Variants in CSMD1 observed in about 807,000 individuals in gnomAD.
CSMD1 encodes CUB and sushi domain-containing protein 1.
Under a neutral mutation model 417.5 loss-of-function variants are expected in CSMD1, and 213 were observed. The ratio of observed to expected loss-of-function variants is 0.51; its 90% CI spans 0.46 to 0.57. The LOEUF is 0.57. CSMD1 is among the 20% of genes least tolerant of loss of function. The pLI is 0.00. For missense variants in CSMD1, 6,923 were observed against 4,529.7 expected, an observed-to-expected ratio of 1.53 and a Z score of -15.17; for synonymous variants, 2,862 against 1,736.8, an observed-to-expected ratio of 1.65 and a Z score of -16.11.
At chr8:4,051,159 G>C (rs1798403844) in intron 3 of CSMD1, among the ~76,000 whole-genome samples, 1 of 152,038 alleles carries the variant, frequency 6.6e-6, no homozygotes, top group South Asian at 2.1e-4. Context: ...GGAGTAGAAA[G>C]CAGAAATGGC....
At chr8:3,437,242 T>C (rs1391967270) in intron 12 of CSMD1, among the ~76,000 whole-genome samples, 1 of 152,198 alleles carries the variant, frequency 6.6e-6, no homozygotes, top group African/African-American at 2.4e-5. Flanking sequence ...TATCCTTGTC[T>C]AATACCACCA....
intron 1 of CSMD1, among the ~76,000 whole-genome samples, chr8:4,876,126 G>T (rs1350228156): frequency 1.3e-5 from 2 of 151,974 alleles, no homozygotes; most frequent in Non-Finnish European, 2.9e-5. Flanking sequence ...TTTGAACAAT[G>T]GTAAAATTAA....
Position 2,957,681 on chromosome 8 carries a change from AG to A in CSMD1, c.9814+14del, listed in dbSNP as rs1803115360. The A allele has an allele frequency of 6.7e-7, 1 of 1,497,756 alleles. No homozygotes were observed. The highest frequency in any genetic ancestry group is 9.2e-7 in the Non-Finnish European group (1 of 1,090,700). 92.8% of individuals were successfully genotyped at this position (1,497,756 alleles called of 1,614,324 possible). On this transcript the variant is annotated intron_variant, in intron 63 of 69. Transcript: ENST00000635120. ...ATAGGTGACTTGTGATGGGGGTGGA[AG>A]AAATCACACTTACGTATACATTCGG...
chr8:4,898,496 T>C (rs1447005000), intron 1 of CSMD1, among the ~76,000 whole-genome samples: 1 of 152,206 alleles, frequency 6.6e-6, no homozygotes, highest in African/African-American at 2.4e-5. Context: ...GCTTGCCTGC[T>C]CACTCCCATT....
Position 3,408,090 on chromosome 8 carries a change from T to G in CSMD1, c.1880A>C (p.Asn627Thr), listed in dbSNP as rs1812462978. 3 of 1,613,786 alleles carry G rather than the reference T, an allele frequency of 1.9e-6. No homozygotes were observed. Among genetic ancestry groups the G allele is most frequent in the Non-Finnish European group, 2.5e-6 (3 of 1,179,876 alleles). The part of the protein sequence containing the change: ...EPGSRIHLIF[N>T]DFDVEPQFDF... ...AAACTGAGGCTCAACATCAAAATCA[T>G]TAAAGATTAGGTGAATTCGACTTCC... The change falls in exon 14 of 70, where the codon AAT becomes ACT. Residue 627 changes from asparagine (N) to threonine (T), a missense_variant. Asn to Thr is a moderately conservative substitution (Grantham distance 65, BLOSUM62 0). Coordinates refer to ENST00000635120, the MANE Select transcript of CSMD1 (RefSeq NM_033225.6).
intron 3 of CSMD1, among the ~76,000 whole-genome samples, chr8:4,078,953 A>C (rs1799981456): frequency 7.3e-6 from 1 of 137,678 alleles, no homozygotes. Flanking sequence ...GTATGTTGAA[A>C]AGCTATCTTC....
intron 30 of CSMD1, among the ~76,000 whole-genome samples, chr8:3,207,451 A>C (rs1330789324): frequency 6.6e-6 from 1 of 151,968 alleles, no homozygotes; most frequent in African/African-American, 2.4e-5. Flanking sequence ...CCACAATGGC[A>C]ATTTTCAAGC....
chr8:3,543,638 GA>G (rs113548867), intron 10 of CSMD1, among the ~76,000 whole-genome samples: 3,327 of 144,272 alleles, frequency 0.023, 119 homozygotes, highest in African/African-American at 0.077. Context: ...CTAAATAACT[GA>G]AAAAAAAAAA....
In CSMD1 at chr8:3,378,115, GAA is replaced by G. The variant is rs142202296; in HGVS notation, c.2783-8747_2783-8746del. On this transcript the variant is annotated intron_variant, in intron 18 of 69. Transcript: ENST00000635120. ...ATTGGATGTGTTTGATTGTTGGTAA[GAA>G]GAGAGGAAGACATTCAATTAATAAG... 3.1e-3 allele frequency among the ~76,000 whole-genome samples: 475 copies of G among 152,314 alleles called. 4 individuals are homozygous for G. Among genetic ancestry groups the G allele is most frequent in the African/African-American group, 0.011 (446 of 41,574 alleles).
rs570695347 is a variant in CSMD1 at position 4,700,123 on chromosome 8, TTTTG to T, written c.86-62569_86-62566del. 2.6e-3 allele frequency among the ~76,000 whole-genome samples: 401 copies of T among 152,282 alleles called. 2 individuals carry two copies. Among genetic ancestry groups the T allele is most frequent in the African/African-American group, 9.2e-3 (382 of 41,574 alleles). On this transcript the variant is annotated intron_variant, in intron 1 of 69. Transcript: ENST00000635120. Reference sequence around the variant, plus strand: ...TCATTTTTCTAATAAGTGGTGAACTTTTTGTTTAATTTTTATTTTTAACTGACCT... The same window carrying T: ...TCATTTTTCTAATAAGTGGTGAACTTTTTAATTTTTATTTTTAACTGACCT...
chr8:3,982,192 T>TAAAAA (rs372298485), intron 5 of CSMD1, among the ~76,000 whole-genome samples: 9 of 131,760 alleles, frequency 6.8e-5, no homozygotes, highest in African/African-American at 2.5e-4. Flanking sequence ...AATAATAATA[T>TAAAAA]TAATAAAAAA....
At chr8:4,577,628 T>C (rs376889229) in intron 2 of CSMD1, among the ~76,000 whole-genome samples, 1 of 152,178 alleles carries the variant, frequency 6.6e-6, no homozygotes, top group Non-Finnish European at 1.5e-5. Flanking sequence ...GTCTTACTCT[T>C]CACACCTCAA....
At chr8:3,495,629 G>C (rs569739478) in intron 10 of CSMD1, among the ~76,000 whole-genome samples, 1 of 152,150 alleles carries the variant, frequency 6.6e-6, no homozygotes, top group African/African-American at 2.4e-5. Context: ...ACAGCTTTTA[G>C]TTTGTCATAT....
intron 5 of CSMD1, among the ~76,000 whole-genome samples, chr8:3,837,671 G>A (rs1050269943): frequency 6.6e-6 from 1 of 152,124 alleles, no homozygotes; most frequent in East Asian, 1.9e-4. Context: ...ATAGGCACAG[G>A]GATGTCTGCT....
chr8:4,952,739 CTTTATT>C (rs1808835887), intron 1 of CSMD1, among the ~76,000 whole-genome samples: 1 of 151,846 alleles, frequency 6.6e-6, no homozygotes, highest in South Asian at 2.1e-4. Context: ...TGAGAGATTC[CTTTATT>C]TTTATTTGAA....
At chr8:3,803,916 G>C (rs958022362) in intron 5 of CSMD1, among the ~76,000 whole-genome samples, 3 of 152,018 alleles carry the variant, frequency 2.0e-5, no homozygotes, top group East Asian at 3.9e-4. Context: ...AGAAGGTTAA[G>C]AGACAAAGTT....
chr8:3,281,287 AC>A (rs1438823994), intron 26 of CSMD1, among the ~76,000 whole-genome samples: 2 of 151,972 alleles, frequency 1.3e-5, no homozygotes, highest in African/African-American at 4.8e-5. Context: ...GGCTAAAAAT[AC>A]AAAAAAATAG....
intron 54 of CSMD1, among the ~76,000 whole-genome samples, chr8:2,997,732 A>G (rs1383164937): frequency 6.6e-6 from 1 of 152,250 alleles, no homozygotes; most frequent in Non-Finnish European, 1.5e-5. Context: ...GGGTAGAAAT[A>G]AATGTGTAAA....
intron 63 of CSMD1, among the ~76,000 whole-genome samples, chr8:2,957,021 G>A (rs150197097): frequency 5.5e-4 from 83 of 152,044 alleles, no homozygotes; most frequent in African/African-American, 2.0e-3. Flanking sequence ...TTCTATTAAT[G>A]TTTTTATTTT....
Sources: allele counts gnomAD v4.1 joint callset (sites outside exome capture counted in the v4.1 genomes callset), GRCh38; gene constraint gnomAD v4.1.1; transcripts MANE v1.5; gene names NCBI Gene and HGNC (gene_info 2026-07-23, HGNC 2026-07-21).